DIAPH1: variants seen among roughly 807,000 people sequenced by gnomAD.
The protein encoded by DIAPH1 is diaphanous related formin 1.
In DIAPH1, 46 loss-of-function variants were observed where a neutral mutation model predicts 140.7. The ratio of observed to expected loss-of-function variants is 0.33; its 90% confidence interval spans 0.26 to 0.42. The LOEUF is 0.42. Ranked by LOEUF, DIAPH1 falls within the 10% of genes least tolerant of loss-of-function variation. The pLI is 1.00. For synonymous variants in DIAPH1, 565 were observed against 551.6 expected, an observed-to-expected ratio of 1.02 and a Z score of -0.34; for missense variants, 1,310 against 1,558.7, an observed-to-expected ratio of 0.84 and a Z score of 2.69.
Position 141,556,289 on chromosome 5 carries a change from G to T in DIAPH1, c.2482+15139C>A, listed in dbSNP as rs79111264. 5.0e-3 allele frequency among the ~76,000 whole-genome samples: 753 copies of T among 152,086 alleles called. 4 individuals are homozygous for T. The highest frequency in any genetic ancestry group is 0.017 in the African/African-American group (694 of 41,446). On this transcript the variant is annotated intron_variant, in intron 18 of 27. Transcript: ENST00000389054. Reference sequence around the variant, plus strand: ...TTAATTCATTGAGTCTTACCAGGGAGAAAGCTGCTACTTAAGTAAAAAAAG... The same window carrying T: ...TTAATTCATTGAGTCTTACCAGGGATAAAGCTGCTACTTAAGTAAAAAAAG...
At chr5:141,618,397 A>G (rs2154597545) in intron 1 of DIAPH1, 1 of 159,776 alleles carries the variant, frequency 6.3e-6, no homozygotes, top group South Asian at 1.6e-4. Context: ...GAGAATACCA[A>G]AAAAGGTGTA....
Position 141,603,768 on chromosome 5 carries a change from A to G in DIAPH1, c.117+15030T>C, listed in dbSNP as rs549871712. ...ATTAAAATGAGGGGAAAACTATCTT[A>G]ATATTAGAATTGGATCCTCTAACAG... On this transcript the variant is annotated intron_variant, in intron 1 of 27. Transcript: ENST00000389054. Among the ~76,000 whole-genome samples, 5 of 152,332 alleles carry G rather than the reference A, an allele frequency of 3.3e-5. No individual in the cohort carries two copies. The South Asian group carries it at 8.3e-4, about 25-fold the overall frequency.
intron 1 of DIAPH1, among the ~76,000 whole-genome samples, chr5:141,602,356 C>T (rs527636442): frequency 6.6e-6 from 1 of 152,324 alleles, no homozygotes; most frequent in East Asian, 1.9e-4. Context: ...GCTGGAACTA[C>T]AGGCGCCCAT....
chr5:141,529,247 T>C lies in DIAPH1; in HGVS notation c.2703A>G (p.Pro901=), dbSNP rs753580633. The C allele has an allele frequency of 6.2e-7, 1 of 1,614,182 alleles. No individual in the cohort carries two copies. Among genetic ancestry groups the C allele is most frequent in the East Asian group, 2.2e-5 (1 of 44,886 alleles). The change falls in exon 21 of 28, where the codon CCA becomes CCG. Residue 901 remains proline (P), a synonymous_variant. Coordinates refer to ENST00000389054, the MANE Select transcript of DIAPH1 (RefSeq NM_005219.5). The part of the protein sequence containing the change: ...IQNLIKQMPE[P]EQLKMLSELK... ...GTTCAGAAAGCATTTTTAACTGCTC[T>C]GGCTCTGGCATTTGCTTAATGAGGT...
intron 19 of DIAPH1, 79 bp downstream of exon 19, chr5:141,534,256 G>A (rs949600936): frequency 3.6e-6 from 4 of 1,116,676 alleles, no homozygotes; most frequent in Non-Finnish European, 4.1e-6. Flanking sequence ...CATATCAAGG[G>A]ACCATAGATT....
intron 1 of DIAPH1, among the ~76,000 whole-genome samples, chr5:141,602,317 A>G (rs930124383): frequency 2.0e-5 from 3 of 152,116 alleles, no homozygotes; most frequent in Non-Finnish European, 4.4e-5. Flanking sequence ...CTGCGTTCAG[A>G]CCATTCTCCT....
Position 141,587,155 on chromosome 5 carries a change from T to TA in DIAPH1, c.186_187insT (p.Lys63Ter). 1.2e-6 allele frequency: 2 copies of TA among 1,614,168 alleles called. No homozygotes were observed. Among genetic ancestry groups the TA allele is most frequent in the Non-Finnish European group, 1.7e-6 (2 of 1,180,012 alleles). On this transcript the variant is annotated frameshift_variant, in exon 3 of 28. Transcript: ENST00000389054. LOFTEE classifies it high-confidence loss of function. ...GAATTTCTATGAGCAGAATTGGGCT[T>TA]TTCCTTCTCCTTCTTAATTCTCATG...
At chr5:141,545,018 T>C (rs562693663) in intron 18 of DIAPH1, among the ~76,000 whole-genome samples, 25 of 152,294 alleles carry the variant, frequency 1.6e-4, no homozygotes, top group African/African-American at 5.8e-4. Flanking sequence ...AGCCAGTGAA[T>C]GGACATAATG....
intron 18 of DIAPH1, among the ~76,000 whole-genome samples, chr5:141,549,290 T>C (rs1407374778): frequency 6.6e-6 from 1 of 152,200 alleles, no homozygotes; most frequent in African/African-American, 2.4e-5. Flanking sequence ...TCATCTCTAA[T>C]AACTGGCATG....
intron 1 of DIAPH1, among the ~76,000 whole-genome samples, chr5:141,602,580 G>A (rs72792323): frequency 0.034 from 5,178 of 152,246 alleles, 115 homozygotes; most frequent in African/African-American, 0.05. Context: ...TTTAAAAATC[G>A]ACCACAGTTT....
chr5:141,527,553 CTCCTT>C lies in DIAPH1; in HGVS notation c.3273+15_3273+19del. 2 of 1,613,514 alleles carry C rather than the reference CTCCTT, an allele frequency of 1.2e-6. No individual in the cohort carries two copies. The highest frequency in any genetic ancestry group is 1.7e-6 in the Non-Finnish European group (2 of 1,179,810). ...CTTTCCCTTCCTAGGGAACAACTCCCTCCTTTCAAGAGAGGATATGGTCATTTTTT... is the reference window on the plus strand; with the variant it reads ...CTTTCCCTTCCTAGGGAACAACTCCCTCAAGAGAGGATATGGTCATTTTTT... On this transcript the variant is annotated intron_variant, in intron 24 of 27. Coordinates refer to ENST00000389054, the MANE Select transcript of DIAPH1 (RefSeq NM_005219.5).
chr5:141,604,884 G>A (rs2099900693), intron 1 of DIAPH1, among the ~76,000 whole-genome samples: 1 of 152,174 alleles, frequency 6.6e-6, no homozygotes, highest in South Asian at 2.1e-4. Flanking sequence ...ATCTTAGGGA[G>A]GAGGGGAGAT....
At chr5:141,593,770 A>G (rs1166724534) in intron 1 of DIAPH1, among the ~76,000 whole-genome samples, 2 of 152,226 alleles carry the variant, frequency 1.3e-5, no homozygotes, top group African/African-American at 2.4e-5. Flanking sequence ...GCCAAAATCC[A>G]CAACACGGAT....
At chr5:141,588,305 G>A (rs1427226741) in intron 1 of DIAPH1, 55 bp from the exon 2 acceptor site, 2 of 1,370,596 alleles carry the variant, frequency 1.5e-6, no homozygotes, top group East Asian at 2.3e-5. Flanking sequence ...TGAAGTACAA[G>A]GAAACCTCCC....
intron 19 of DIAPH1, among the ~76,000 whole-genome samples, chr5:141,531,783 T>C (rs116678324): frequency 0.034 from 5,145 of 152,230 alleles, 116 homozygotes; most frequent in Middle Eastern, 0.065. Context: ...CCACTGCACC[T>C]AGCCTAATTC....
At position 141,534,341 on chromosome 5, in the gene DIAPH1, T is replaced by G. The variant is rs1170344822; in HGVS notation, c.2575A>C (p.Asn859His). Reference sequence around the variant, plus strand: ...GGGACCAAGAGATACTCACAGAGATTCTGGGCTGTCTTTGAATCCAACACC... The same window carrying G: ...GGGACCAAGAGATACTCACAGAGATGCTGGGCTGTCTTTGAATCCAACACC... ...LKVLDSKTAQNLSIFLGSFRM... is the reference protein window; with the variant it reads ...LKVLDSKTAQHLSIFLGSFRM... Residue 859 changes from asparagine to histidine, a missense_variant, in exon 19 of 28, where the codon AAT becomes CAT. Around this residue, in one of 3 missense-constraint regions of DIAPH1, gnomAD observed 344 missense variants for 512.2 expected, o/e 0.67. Coordinates refer to ENST00000389054, the MANE Select transcript of DIAPH1 (RefSeq NM_005219.5). 6.2e-7 allele frequency: 1 copy of G among 1,612,214 alleles called. No individual in the cohort carries two copies. The highest frequency in any genetic ancestry group is 1.1e-5 in the South Asian group (1 of 91,060).
chr5:141,582,281 G>A (rs1330493576), intron 7 of DIAPH1, 31 bp downstream of exon 7: 1 of 1,567,126 alleles, frequency 6.4e-7, no homozygotes, highest in East Asian at 2.2e-5. Context: ...CGTCCAGATG[G>A]GGTTTGGAAT....
rs756403159 is a variant in DIAPH1, at chr5:141,580,893, C to A, written c.685-10G>T. Reference sequence around the variant, plus strand: ...TGGTCTTGATTCCAAACTGGTAGGACCAAGAACAAAGAAAGGAGGCTGAAA... The same window carrying A: ...TGGTCTTGATTCCAAACTGGTAGGAACAAGAACAAAGAAAGGAGGCTGAAA... On this transcript the variant is annotated splice_polypyrimidine_tract_variant and intron_variant, in intron 7 of 27. Transcript: ENST00000389054. 1.9e-6 allele frequency: 3 copies of A among 1,613,928 alleles called. No individual in the cohort carries two copies. The highest frequency in any genetic ancestry group is 1.7e-5 in the Admixed American group (1 of 59,984).
Position 141,583,548 on chromosome 5 carries a change from C to G in DIAPH1, c.470G>C (p.Arg157Pro). The G allele has an allele frequency of 6.2e-7, 1 of 1,614,200 alleles. No homozygotes were observed. The highest frequency in any genetic ancestry group is 8.5e-7 in the Non-Finnish European group (1 of 1,180,034). ...MYIQELRSGL[R>P]DMPLLSCLES... ...CAGGCAGCTGAGCAGAGGCATATCC[C>G]GCAAGCCTGACCTCAACTCCTGAAT... The change falls in exon 5 of 28, where the codon CGG becomes CCG. Residue 157 changes from arginine to proline, a missense_variant. By Grantham distance (103) the Arg-to-Pro change is moderately radical. Coordinates refer to ENST00000389054, the MANE Select transcript of DIAPH1 (RefSeq NM_005219.5).
Sources: allele counts gnomAD v4.1 joint callset (sites outside exome capture counted in the v4.1 genomes callset), GRCh38; gene constraint gnomAD v4.1.1; regional missense constraint gnomAD v4.1.1; transcripts MANE v1.5; gene names NCBI Gene and HGNC (gene_info 2026-07-23, HGNC 2026-07-21).